The following TTC7A variants were observed in gnomAD, a reference collection of about 807,000 sequenced individuals.
The protein encoded by TTC7A is tetratricopeptide repeat domain 7A, also known as tetratricopeptide repeat protein 7A.
A neutral mutation model predicts 103.7 loss-of-function variants in TTC7A; 110 were observed. That is an observed-to-expected ratio of 1.06 (90% CI 0.91 to 1.24). The LOEUF is 1.24. Ranked by LOEUF, TTC7A falls within the 50% of genes most tolerant of loss-of-function variation. TTC7A has a pLI of 0.00. For synonymous variants in TTC7A, 521 were observed against 467.9 expected, an observed-to-expected ratio of 1.11 and a Z score of -1.47; for missense variants, 1,340 against 1,116.3, an observed-to-expected ratio of 1.20 and a Z score of -2.86.
At chr2:47,043,790 C>T (rs1009481094) in intron 15 of TTC7A, among the ~76,000 whole-genome samples, 2 of 152,190 alleles carry the variant, frequency 1.3e-5, no homozygotes, top group South Asian at 2.1e-4. Flanking sequence ...CTCTGGGCCA[C>T]TCATGCTAAT....
At chr2:46,947,678 T>C (rs1021402309) in intron 1 of TTC7A, among the ~76,000 whole-genome samples, 1 of 152,174 alleles carries the variant, frequency 6.6e-6, no homozygotes, top group African/African-American at 2.4e-5. Flanking sequence ...GATTGTGCCA[T>C]TGCGCTTCAG....
intron 5 of TTC7A, 69 bp downstream of exon 5, chr2:46,978,976 A>G: frequency 8.9e-7 from 1 of 1,117,458 alleles, no homozygotes; most frequent in Non-Finnish European, 1.4e-6. Flanking sequence ...CGTGGCCTTA[A>G]GGCTGCTCTC....
chr2:46,982,697 T>A (rs1466646366), intron 5 of TTC7A, among the ~76,000 whole-genome samples: 1 of 152,136 alleles, frequency 6.6e-6, no homozygotes, highest in East Asian at 1.9e-4. Context: ...CTGCCTGGAA[T>A]TCATGCCTGT....
At chr2:47,030,196 G>C (rs1329413456) in intron 15 of TTC7A, among the ~76,000 whole-genome samples, 1 of 152,184 alleles carries the variant, frequency 6.6e-6, no homozygotes, top group East Asian at 1.9e-4. Flanking sequence ...CCAGCCCAAG[G>C]CTGTCCCCCT....
In TTC7A at chr2:47,009,769, T is replaced by C. The variant is rs886332935; in HGVS notation, c.1288-1562T>C. ...AGGGCCCAGTACATGGGAATTGTCA[T>C]AGTTACACACAGGTACCTGTAAACC... On this transcript the variant is annotated intron_variant, in intron 10 of 19. Coordinates refer to ENST00000319190, the MANE Select transcript of TTC7A (RefSeq NM_020458.4). Among the ~76,000 whole-genome samples, 3 of 152,114 alleles carry C rather than the reference T, an allele frequency of 2.0e-5. No homozygotes were observed. In the East Asian group the frequency reaches 5.8e-4, roughly 29 times the overall value.
At chr2:46,980,899 C>A (rs761695559) in intron 5 of TTC7A, among the ~76,000 whole-genome samples, 1 of 152,182 alleles carries the variant, frequency 6.6e-6, no homozygotes, top group East Asian at 1.9e-4. Context: ...TGCAGTACCA[C>A]GTAAAATGGT....
intron 15 of TTC7A, among the ~76,000 whole-genome samples, chr2:47,034,598 G>A (rs139007557): frequency 2.0e-3 from 306 of 152,280 alleles, no homozygotes; most frequent in Non-Finnish European, 3.6e-3. Flanking sequence ...CATGATGGGA[G>A]CTTTCCAATA....
chr2:46,992,882 G>A (rs1004475853), intron 5 of TTC7A, among the ~76,000 whole-genome samples: 3 of 152,228 alleles, frequency 2.0e-5, no homozygotes, highest in South Asian at 2.1e-4. Flanking sequence ...TGGGTAATGG[G>A]TTGCCATGTA....
In TTC7A at chr2:47,050,008, T is replaced by C. The variant is rs1164862332; in HGVS notation, c.1979T>C (p.Met660Thr). ...CTCACCATGAAGAAGCAGAGTGGCA[T>C]GCACCTGACTTTGCCTGATGCCCAT... Reference protein sequence around the residue: ...EGLTMKKQSGMHLTLPDAHDA... With the variant: ...EGLTMKKQSGTHLTLPDAHDA... Residue 660 changes from methionine to threonine, a missense_variant, in exon 17 of 20, where the codon ATG becomes ACG. Transcript: ENST00000319190. The C allele has an allele frequency of 6.2e-7, 1 of 1,614,162 alleles. No individual in the cohort carries two copies. Among genetic ancestry groups the C allele is most frequent in the Admixed American group, 1.7e-5 (1 of 60,024 alleles).
Position 47,060,803 on chromosome 2 carries a change from A to G in TTC7A, c.2187A>G (p.Glu729=), listed in dbSNP as rs374828304. The change falls in exon 19 of 20, where the codon GAA becomes GAG. Residue 729 remains glutamate, a synonymous_variant. Coordinates refer to ENST00000319190, the MANE Select transcript of TTC7A (RefSeq NM_020458.4). ...TCATGGAGCAGCAGCACCTCAAGGA[A>G]GCAGGTTTCTGCATCCAGGAGGCGG... ...ELFMEQQHLK[E]AGFCIQEAAG... The G allele has an allele frequency of 2.2e-5, 36 of 1,612,724 alleles. No homozygotes were observed. Among genetic ancestry groups the G allele is most frequent in the Non-Finnish European group, 2.8e-5 (33 of 1,179,050 alleles).
intron 11 of TTC7A, among the ~76,000 whole-genome samples, chr2:47,015,880 C>T (rs1348551645): frequency 6.6e-6 from 1 of 152,038 alleles, no homozygotes. Context: ...TACTACTCCT[C>T]CCAGGGAGAA....
At chr2:46,944,625 A>G (rs1313529570) in intron 1 of TTC7A, among the ~76,000 whole-genome samples, 1 of 152,154 alleles carries the variant, frequency 6.6e-6, no homozygotes, top group African/African-American at 2.4e-5. Context: ...TGGGAGGCCA[A>G]GACGGGAGGA....
At chr2:46,923,225 G>A (rs7575039) in intron 2 of TTC7A, among the ~76,000 whole-genome samples, 103,555 of 152,068 alleles carry the variant, frequency 0.68, 36,520 homozygotes, top group African/African-American at 0.85. Context: ...CATAGGCACA[G>A]TTGACCAAAC....
At chr2:47,009,915 G>T (rs1462032120) in intron 10 of TTC7A, among the ~76,000 whole-genome samples, 1 of 144,304 alleles carries the variant, frequency 6.9e-6, no homozygotes, top group Non-Finnish European at 1.5e-5. Flanking sequence ...GTGGTGGGGG[G>T]GACAGGGGAG....
chr2:46,954,801 T>C (rs1671707237), intron 2 of TTC7A, among the ~76,000 whole-genome samples: 1 of 152,206 alleles, frequency 6.6e-6, no homozygotes, highest in Admixed American at 6.5e-5. Flanking sequence ...AAATTCCTGA[T>C]CTTAGGTGAT....
chr2:47,001,790 C>T (rs1676834093), intron 8 of TTC7A, among the ~76,000 whole-genome samples: 2 of 145,500 alleles, frequency 1.4e-5, no homozygotes, highest in Admixed American at 7.1e-5. Context: ...ACCCAGGAGG[C>T]GGAGGTTGCA....
chr2:46,982,707 T>G (rs1024777299), intron 5 of TTC7A, among the ~76,000 whole-genome samples: 6 of 152,156 alleles, frequency 3.9e-5, no homozygotes, highest in African/African-American at 7.2e-5. Flanking sequence ...TTCATGCCTG[T>G]AATTCCACAG....
At chr2:47,029,467 G>C in intron 15 of TTC7A, 83 bp downstream of exon 15, 2 of 1,503,464 alleles carry the variant, frequency 1.3e-6, no homozygotes, top group Non-Finnish European at 1.8e-6. Context: ...CCCTGCCATG[G>C]TGTCAGCCAA....
At chr2:47,028,301 A>C (rs1180940695) in intron 14 of TTC7A, among the ~76,000 whole-genome samples, 1 of 152,212 alleles carries the variant, frequency 6.6e-6, no homozygotes, top group Non-Finnish European at 1.5e-5. Context: ...GACTGACCCC[A>C]TAACCCTGTT....
Sources: gnomAD v4.1 joint callset for allele counts (sites outside exome capture counted in the v4.1 genomes callset) on GRCh38, gnomAD v4.1.1 for gene constraint, MANE v1.5 for transcripts, NCBI Gene and HGNC (gene_info 2026-07-23, HGNC 2026-07-21) for gene names.